The following MGST1 variants were observed in gnomAD, a reference collection of about 807,000 sequenced individuals.
The protein encoded by MGST1 is microsomal glutathione S-transferase 1, also known as glutathione S-transferase 12.
In MGST1, 5 loss-of-function variants were observed where a neutral mutation model predicts 8.9. The observed-to-expected ratio is 0.56, with a 90% CI of 0.29 to 1.19. The LOEUF is 1.19. MGST1 is among the 50% of genes most tolerant of loss of function. MGST1 has a pLI of 0.08. For synonymous variants in MGST1, 54 were observed against 67.8 expected, an observed-to-expected ratio of 0.80 and a Z score of 1.00; for missense variants, 182 against 187.4, an observed-to-expected ratio of 0.97 and a Z score of 0.17.
At position 16,513,434 on chromosome 12, in the gene MGST1, G is replaced by T. The variant is rs1200350403; in HGVS notation, n.483-76094G>T. On this transcript the variant is annotated intron_variant and non_coding_transcript_variant, in intron 4 of 4. Coordinates refer to the MGST1 transcript ENST00000538857. This position sits in a 1 kb window ranked among gnomAD's most constrained non-coding sequence, Gnocchi z 4.2. ...CAGCTGCGTCGTCTCCGGGATCGCC[G>T]CCGCCTTCCACCCGGGCTCGCCTCT... is the stretch of plus-strand genomic sequence containing the variant. 2 of 398,068 alleles carry T rather than the reference G, an allele frequency of 5.0e-6. No individual in the cohort carries two copies. The highest frequency in any genetic ancestry group is 2.1e-5 in the African/African-American group (1 of 47,696). 24.7% of individuals were successfully genotyped at this position (398,068 alleles called of 1,614,324 possible). A position where few individuals can be genotyped will look rare whatever the true frequency, so the allele number is the denominator to read the frequency against.
At chr12:16,399,415 A>G (rs1940633702) in intron 1 of MGST1, 1 of 1,515,924 alleles carries the variant, frequency 6.6e-7, no homozygotes, top group South Asian at 1.1e-5. Flanking sequence ...TCTTCCTTAT[A>G]ACAACTTTCT....
At chr12:16,494,236 C>T (rs1453762370) in intron 4 of MGST1, among the ~76,000 whole-genome samples, 2 of 152,106 alleles carry the variant, frequency 1.3e-5, no homozygotes, top group Non-Finnish European at 2.9e-5. Context: ...GCAGAATATA[C>T]CACATGGAAA....
intron 4 of MGST1, among the ~76,000 whole-genome samples, chr12:16,538,121 C>G (rs1307911776): frequency 6.6e-6 from 1 of 152,180 alleles, no homozygotes; most frequent in Non-Finnish European, 1.5e-5. Context: ...GAAATTTCCT[C>G]TGCCAGATAC....
Position 16,500,514 on chromosome 12 carries a change from G to A in MGST1, n.483-89014G>A, listed in dbSNP as rs986613367. Among the ~76,000 whole-genome samples, 2 of 152,076 alleles carry A rather than the reference G, an allele frequency of 1.3e-5. No homozygotes were observed. The highest frequency in any genetic ancestry group is 6.5e-5 in the Admixed American group (1 of 15,272). Reference sequence around the variant, plus strand: ...ATTTTGTAAAGTTTCATTTCAAAACGGAAAAGATACTTATTTTGTGTGCCA... The same window carrying A: ...ATTTTGTAAAGTTTCATTTCAAAACAGAAAAGATACTTATTTTGTGTGCCA... On this transcript the variant is annotated intron_variant and non_coding_transcript_variant, in intron 4 of 4. Coordinates refer to the MGST1 transcript ENST00000538857. This position sits in a 1 kb window ranked among gnomAD's most constrained non-coding sequence, Gnocchi z 4.3.
chr12:16,437,506 G>C (rs547870022), exon 2 of MGST1: 1 of 151,874 alleles, frequency 6.6e-6, no homozygotes, highest in Admixed American at 6.6e-5. Context: ...GGGTGCTGGC[G>C]CAAGTTGCTT....
At chr12:16,436,150 T>C (rs1365125548) in intron 1 of MGST1, among the ~76,000 whole-genome samples, 1 of 151,884 alleles carries the variant, frequency 6.6e-6, no homozygotes, top group African/African-American at 2.4e-5. Flanking sequence ...GCATTTCTAA[T>C]AGAACAAGCT....
chr12:16,432,009 G>A (rs886415014), intron 1 of MGST1, among the ~76,000 whole-genome samples: 1 of 152,102 alleles, frequency 6.6e-6, no homozygotes, highest in Non-Finnish European at 1.5e-5. Context: ...TCATTTTGAT[G>A]ATTTTAAATA....
chr12:16,467,085 A>T (rs1040240283), intron 4 of MGST1, among the ~76,000 whole-genome samples: 7 of 152,198 alleles, frequency 4.6e-5, no homozygotes, highest in African/African-American at 1.7e-4. Context: ...TTGTCATGTG[A>T]TATGAAACAC....
chr12:16,524,353 T>C (rs1941669249), intron 4 of MGST1, among the ~76,000 whole-genome samples: 1 of 152,082 alleles, frequency 6.6e-6, no homozygotes, highest in Admixed American at 6.6e-5. Flanking sequence ...AAAAAATACT[T>C]CCAAACCTGT....
In MGST1 at chr12:16,492,131, G is replaced by C. The variant is rs558312899; in HGVS notation, n.483-97397G>C. On this transcript the variant is annotated intron_variant and non_coding_transcript_variant, in intron 4 of 4. Coordinates refer to the MGST1 transcript ENST00000538857. ...CTTCAATGTTCATATGAAAAAAATG[G>C]AATGATATGTAGGATGGTAGATTCA... 3.9e-5 allele frequency among the ~76,000 whole-genome samples: 6 copies of C among 152,236 alleles called. No individual in the cohort carries two copies. In the East Asian group the frequency reaches 1.2e-3, roughly 29 times the overall value.
chr12:16,381,566 C>T (rs1213242110), downstream of MGST1, among the ~76,000 whole-genome samples: 1 of 152,170 alleles, frequency 6.6e-6, no homozygotes, highest in East Asian at 1.9e-4. Context: ...TCTGGCTGCT[C>T]TTAACATTTT....
Position 16,413,532 on chromosome 12 carries a change from T to C in MGST1, n.779-23856T>C, listed in dbSNP as rs1940760180. 6.6e-6 allele frequency among the ~76,000 whole-genome samples: 1 copy of C among 152,156 alleles called. No individual in the cohort carries two copies. The highest frequency in any genetic ancestry group is 1.5e-5 in the Non-Finnish European group (1 of 68,030). ...ATTCTCCCAGCATCCGTATCTGGATTGAAAGGGTAGATGGTGAAATACCCA... is the reference window on the plus strand; with the variant it reads ...ATTCTCCCAGCATCCGTATCTGGATCGAAAGGGTAGATGGTGAAATACCCA... On this transcript the variant is annotated intron_variant and non_coding_transcript_variant, in intron 1 of 1. Coordinates refer to the MGST1 transcript ENST00000359720. This position sits in a 1 kb window ranked among gnomAD's most constrained non-coding sequence, Gnocchi z 4.0.
At position 16,491,870 on chromosome 12, in the gene MGST1, G is replaced by A. The variant is rs145234654; in HGVS notation, n.483-97658G>A. Among the ~76,000 whole-genome samples, 658 of 152,008 alleles carry A rather than the reference G, an allele frequency of 4.3e-3. 7 individuals are homozygous for A. The Middle Eastern group carries it at 0.045, about 10-fold the overall frequency. On this transcript the variant is annotated intron_variant and non_coding_transcript_variant, in intron 4 of 4. Transcript: ENST00000538857. ...TCCCGTTTCTAATATTTTGAAAGCC[G>A]GTGTTTTAGTAGTCATTTTCTGTAA...
At chr12:16,552,646 T>C (rs1055846115) in intron 4 of MGST1, among the ~76,000 whole-genome samples, 5 of 152,074 alleles carry the variant, frequency 3.3e-5, no homozygotes, top group African/African-American at 1.2e-4. Flanking sequence ...AAAATTGGTC[T>C]ATTTGTGGAA....
At chr12:16,355,299 C>G (rs1176674866) in intron 2 of MGST1, among the ~76,000 whole-genome samples, 3 of 150,918 alleles carry the variant, frequency 2.0e-5, no homozygotes, top group Non-Finnish European at 4.4e-5. Flanking sequence ...ACCTCTGCCT[C>G]CTGGGTTCAA....
Position 16,526,371 on chromosome 12 carries a change from C to T in MGST1, n.483-63157C>T, listed in dbSNP as rs1307156633. 2.0e-5 allele frequency among the ~76,000 whole-genome samples: 3 copies of T among 151,930 alleles called. No homozygotes were observed. The South Asian group carries it at 6.2e-4, about 31-fold the overall frequency. ...GGTTAAAACAAAGCTCTCCTGACCC[C>T]ATTGGAATGTTCTTCCTACTCTACC... On this transcript the variant is annotated intron_variant and non_coding_transcript_variant, in intron 4 of 4. Coordinates refer to the MGST1 transcript ENST00000538857.
At position 16,548,158 on chromosome 12, in the gene MGST1, T is replaced by C. The variant is rs1941857693; in HGVS notation, n.483-41370T>C. Among the ~76,000 whole-genome samples the C allele has an allele frequency of 6.6e-6, 1 of 152,134 alleles. No individual in the cohort carries two copies. Among genetic ancestry groups the C allele is most frequent in the Non-Finnish European group, 1.5e-5 (1 of 68,010 alleles). On this transcript the variant is annotated intron_variant and non_coding_transcript_variant, in intron 4 of 4. Transcript: ENST00000538857. This position sits in a 1 kb window ranked among gnomAD's most constrained non-coding sequence, Gnocchi z 4.2. ...CAATTGCTACCTTCATTTTTGAGAG[T>C]TTTATTTTCCCCATAAAAATAAATA... is the stretch of plus-strand genomic sequence containing the variant.
intron 1 of MGST1, among the ~76,000 whole-genome samples, chr12:16,429,210 A>G (rs375414305): frequency 2.0e-5 from 3 of 152,068 alleles, no homozygotes; most frequent in South Asian, 2.1e-4. Flanking sequence ...AGTTCTGTAT[A>G]TATCTTTATT....
chr12:16,396,494 CTG>C lies in MGST1; in HGVS notation n.778+12892_778+12893del. Among the ~76,000 whole-genome samples, 5 of 152,246 alleles carry C rather than the reference CTG, an allele frequency of 3.3e-5. 1 individual carries two copies. The South Asian group carries it at 1.0e-3, about 32-fold the overall frequency. Reference sequence around the variant, plus strand: ...CCAAATCGGTAAAGAGGAAGTCAAACTGTAGCTGTTTGCTGATGATATGATTG... The same window carrying C: ...CCAAATCGGTAAAGAGGAAGTCAAACTAGCTGTTTGCTGATGATATGATTG... On this transcript the variant is annotated intron_variant and non_coding_transcript_variant, in intron 1 of 1. Transcript: ENST00000359720.
Sources: allele counts gnomAD v4.1 joint callset (sites outside exome capture counted in the v4.1 genomes callset), GRCh38; gene constraint gnomAD v4.1.1; non-coding constraint Gnocchi (gnomAD v3.1); transcripts MANE v1.5; gene names NCBI Gene and HGNC (gene_info 2026-07-23, HGNC 2026-07-21).